KAZN: variants seen among roughly 807,000 people sequenced by gnomAD.
The protein encoded by KAZN is kazrin, periplakin interacting protein.
KAZN carries 40 observed loss-of-function variants against 87.4 expected under a neutral mutation model. That is an observed-to-expected ratio of 0.46 (90% CI 0.36 to 0.60). The LOEUF is 0.60. Ranked by LOEUF, KAZN falls within the 20% of genes least tolerant of loss-of-function variation. The probability of loss-of-function intolerance (pLI) is 0.00; values close to 1 mark genes in which losing one functional copy is unlikely to be tolerated. For missense variants in KAZN, 898 were observed against 1,073.9 expected (o/e 0.84, Z 2.29); for synonymous variants, 466 against 458.3 (o/e 1.02, Z -0.22).
chr1:14,411,571 A>G (rs1467215004), intron 2 of KAZN, among the ~76,000 whole-genome samples: 1 of 152,252 alleles, frequency 6.6e-6, no homozygotes, highest in Non-Finnish European at 1.5e-5. Flanking sequence ...AAGTGCTGGG[A>G]TTACAGGCGT....
At chr1:14,734,701 G>A (rs116029510) in intron 1 of KAZN, among the ~76,000 whole-genome samples, 231 of 152,318 alleles carry the variant, frequency 1.5e-3, no homozygotes, top group African/African-American at 5.2e-3. Flanking sequence ...TGATCTCATC[G>A]TGTTATATGT....
At chr1:14,496,175 T>G (rs1184559879) in intron 2 of KAZN, among the ~76,000 whole-genome samples, 1 of 152,194 alleles carries the variant, frequency 6.6e-6, no homozygotes, top group African/African-American at 2.4e-5. Context: ...GGGCTGCTGG[T>G]TTTCAGTTCA....
intron 1 of KAZN, among the ~76,000 whole-genome samples, chr1:14,948,755 G>C (rs906257920): frequency 6.6e-6 from 1 of 152,106 alleles, no homozygotes; most frequent in Non-Finnish European, 1.5e-5. Flanking sequence ...TGTGCTAGGA[G>C]TCTTCCTTGT....
At chr1:14,328,560 G>C (rs889959061) in intron 2 of KAZN, among the ~76,000 whole-genome samples, 2 of 151,892 alleles carry the variant, frequency 1.3e-5, no homozygotes, top group Non-Finnish European at 2.9e-5. Context: ...AAAATTAGCT[G>C]GGCGTGGTGG....
intron 2 of KAZN, among the ~76,000 whole-genome samples, chr1:14,196,730 A>T (rs545533217): frequency 6.6e-6 from 1 of 152,196 alleles, no homozygotes; most frequent in East Asian, 1.9e-4. Context: ...TCAGATTGGA[A>T]ATACAAAGTT....
At chr1:14,143,474 G>A (rs559819439) in intron 1 of KAZN, among the ~76,000 whole-genome samples, 2 of 152,262 alleles carry the variant, frequency 1.3e-5, no homozygotes, top group Admixed American at 6.5e-5. Flanking sequence ...TGAAAGGTAA[G>A]GGTTTAGATC....
Position 15,112,489 on chromosome 1 carries a change from C to T in KAZN, c.2111C>T (p.Thr704Met), listed in dbSNP as rs1186087350. 2 of 1,605,130 alleles carry T rather than the reference C, an allele frequency of 1.2e-6. No individual in the cohort carries two copies. The highest frequency in any genetic ancestry group is 1.7e-6 in the Non-Finnish European group (2 of 1,176,902). Residue 704 changes from threonine to methionine, a missense_variant, in exon 14 of 15, where the codon ACG (threonine) becomes ATG (methionine). Thr to Met is a moderately conservative substitution (Grantham distance 81). Coordinates refer to ENST00000376030, the MANE Select transcript of KAZN (RefSeq NM_201628.3). ...CCCCCTGGCAGGGCCTCCAGCGTCACGCGGGCAGGAAAGGAGGAGAACAGC... is the reference window on the plus strand; with the variant it reads ...CCCCCTGGCAGGGCCTCCAGCGTCATGCGGGCAGGAAAGGAGGAGAACAGC... ...GTPPGRASSV[T>M]RAGKEENSSG...
chr1:13,977,320 C>A (rs1392249618), intron 1 of KAZN, among the ~76,000 whole-genome samples: 1 of 152,080 alleles, frequency 6.6e-6, no homozygotes, highest in Non-Finnish European at 1.5e-5. Flanking sequence ...AATTTAAATC[C>A]CCTATGACTC....
chr1:14,119,631 A>G (rs77834869), intron 1 of KAZN, among the ~76,000 whole-genome samples: 2,902 of 152,216 alleles, frequency 0.019, 93 homozygotes, highest in African/African-American at 0.065. Context: ...TACTGATTAG[A>G]TGGATTAACT....
intron 2 of KAZN, among the ~76,000 whole-genome samples, chr1:14,417,240 T>C (rs1664868393): frequency 6.6e-6 from 1 of 151,886 alleles, no homozygotes; most frequent in African/African-American, 2.4e-5. Flanking sequence ...TTTCTGCATG[T>C]TATTATTCCA....
intron 1 of KAZN, among the ~76,000 whole-genome samples, chr1:14,024,002 A>G (rs368855506): frequency 5.9e-5 from 9 of 152,316 alleles, no homozygotes; most frequent in African/African-American, 1.9e-4. Context: ...TTACACAGTA[A>G]AACCTTGTCC....
intron 1 of KAZN, among the ~76,000 whole-genome samples, chr1:14,173,423 T>C (rs377374546): frequency 2.6e-5 from 4 of 152,234 alleles, no homozygotes; most frequent in African/African-American, 9.6e-5. Context: ...ATTTACTCAA[T>C]TGGTTTTATT....
chr1:14,944,318 A>C (rs1467221706), intron 1 of KAZN, among the ~76,000 whole-genome samples: 1 of 152,012 alleles, frequency 6.6e-6, no homozygotes, highest in Non-Finnish European at 1.5e-5. Flanking sequence ...CTGTAAGTGA[A>C]GTAAGGGTGT....
intron 1 of KAZN, among the ~76,000 whole-genome samples, chr1:14,840,100 T>A (rs973005333): frequency 6.6e-6 from 1 of 151,946 alleles, no homozygotes; most frequent in Non-Finnish European, 1.5e-5. Context: ...TCCTTCACAT[T>A]GTGTTGTTCT....
intron 2 of KAZN, among the ~76,000 whole-genome samples, chr1:14,481,540 C>T (rs936394927): frequency 1.1e-4 from 17 of 152,272 alleles, no homozygotes; most frequent in Admixed American, 9.8e-4. Context: ...TCCTAAAATA[C>T]CTATTTTTGA....
chr1:14,087,997 T>G (rs1314658923), intron 1 of KAZN, among the ~76,000 whole-genome samples: 1 of 148,390 alleles, frequency 6.7e-6, no homozygotes, highest in African/African-American at 2.5e-5. Context: ...TCTTGCTGTT[T>G]TTTTTTTTTT....
chr1:14,724,570 G>T (rs1023058997), intron 1 of KAZN, among the ~76,000 whole-genome samples: 2 of 152,142 alleles, frequency 1.3e-5, no homozygotes, highest in Non-Finnish European at 2.9e-5. Flanking sequence ...TAAACCAATT[G>T]CTCTCCTGGT....
chr1:14,263,271 A>G (rs1033577441), intron 2 of KAZN, among the ~76,000 whole-genome samples: 1 of 152,222 alleles, frequency 6.6e-6, no homozygotes, highest in Non-Finnish European at 1.5e-5. Flanking sequence ...TGTAATACAA[A>G]TGTCAGCTAA....
chr1:14,911,682 C>T (rs562768329), intron 1 of KAZN, among the ~76,000 whole-genome samples: 2 of 152,274 alleles, frequency 1.3e-5, no homozygotes, highest in Admixed American at 6.5e-5. Flanking sequence ...TGCCCAGGGC[C>T]ACAGGATGGC....
Sources: gnomAD v4.1 joint callset for allele counts (sites outside exome capture counted in the v4.1 genomes callset) on GRCh38, gnomAD v4.1.1 for gene constraint, MANE v1.5 for transcripts, NCBI Gene and HGNC (gene_info 2026-07-23, HGNC 2026-07-21) for gene names.